The following KLHL29 variants were observed in gnomAD, a reference collection of about 807,000 sequenced individuals.
The protein encoded by KLHL29 is kelch like family member 29.
In KLHL29, 21 loss-of-function variants were observed where a neutral mutation model predicts 80.4. The observed-to-expected ratio is 0.26, with a 90% confidence interval of 0.19 to 0.38. KLHL29 has a LOEUF of 0.38. Among genes scored for constraint, KLHL29 ranks in the 10% least tolerant of loss-of-function variants. KLHL29 has a pLI of 1.00. For synonymous variants in KLHL29, 511 were observed against 526.8 expected, an observed-to-expected ratio of 0.97 and a Z score of 0.41; for missense variants, 867 against 1,223.9, an observed-to-expected ratio of 0.71 and a Z score of 4.35.
At chr2:23,459,514 G>A (rs1406820055) in intron 1 of KLHL29, among the ~76,000 whole-genome samples, 2 of 152,192 alleles carry the variant, frequency 1.3e-5, no homozygotes, top group Non-Finnish European at 2.9e-5. Flanking sequence ...AGGCAGGGGT[G>A]ATTCGGCAAA....
In KLHL29 at chr2:23,706,596, C is replaced by T. The variant is rs1672739809; in HGVS notation, c.2560C>T (p.Pro854Ser). The change falls in exon 14 of 14, where the codon CCC (proline) becomes TCC (serine). Residue 854 changes from proline to serine, a missense_variant. Around this residue, in one of 2 missense-constraint regions of KLHL29, gnomAD observed 443 missense variants for 767.0 expected, o/e 0.58. Coordinates refer to ENST00000486442, the MANE Select transcript of KLHL29 (RefSeq NM_052920.2). Reference sequence around the variant, plus strand: ...CACAACCAACACATGGACCCTCCTCCCCCACATGCCCTGCCCTGTGTTCAG... The same window carrying T: ...CACAACCAACACATGGACCCTCCTCTCCCACATGCCCTGCCCTGTGTTCAG... ...EPTTNTWTLL[P>S]HMPCPVFRHG... 1 of 1,537,042 alleles carries T rather than the reference C, an allele frequency of 6.5e-7. No individual in the cohort carries two copies.
intron 2 of KLHL29, among the ~76,000 whole-genome samples, chr2:23,511,638 A>G (rs933765926): frequency 2.6e-5 from 4 of 152,248 alleles, no homozygotes; most frequent in Non-Finnish European, 5.9e-5. Context: ...TGAGCAGTGT[A>G]TCCCTTTTGT....
chr2:23,409,825 G>A (rs886863118), intron 1 of KLHL29, among the ~76,000 whole-genome samples: 28 of 152,218 alleles, frequency 1.8e-4, no homozygotes, highest in Admixed American at 1.6e-3. Context: ...AAGGAAGATG[G>A]TCAGTGCCAT....
At chr2:23,472,632 TCAAAA>T (rs199591384) in intron 1 of KLHL29, among the ~76,000 whole-genome samples, 3,409 of 152,162 alleles carry the variant, frequency 0.022, 68 homozygotes, top group South Asian at 0.041. Flanking sequence ...AGACTCCATC[TCAAAA>T]CAAAACAAAA....
chr2:23,537,417 TACACACACACACACACACACACACACAC>T (rs5741924), intron 2 of KLHL29, among the ~76,000 whole-genome samples: 69,956 of 149,062 alleles, frequency 0.47, 18,605 homozygotes, highest in East Asian at 0.86. Context: ...GGGCAGAAAC[TACACACACACACACACACACACACACAC>T]ACACACACAC....
chr2:23,586,813 C>T (rs1337981637), intron 3 of KLHL29, among the ~76,000 whole-genome samples: 1 of 152,104 alleles, frequency 6.6e-6, no homozygotes, highest in African/African-American at 2.4e-5. Context: ...CCTTAGCACA[C>T]GCCGCATTGT....
At chr2:23,480,769 A>G (rs1558354011) in intron 2 of KLHL29, among the ~76,000 whole-genome samples, 1 of 152,274 alleles carries the variant, frequency 6.6e-6, no homozygotes, top group East Asian at 1.9e-4. Context: ...TACCTTGGCT[A>G]TGTTGTACTA....
chr2:23,441,777 G>A (rs919108905), intron 1 of KLHL29, among the ~76,000 whole-genome samples: 4 of 152,132 alleles, frequency 2.6e-5, no homozygotes, highest in South Asian at 4.2e-4. Context: ...ATGTGGTTAC[G>A]TTGGGCTTTT....
At chr2:23,537,124 GTC>G (rs1168025840) in intron 2 of KLHL29, among the ~76,000 whole-genome samples, 13 of 152,158 alleles carry the variant, frequency 8.5e-5, no homozygotes, top group African/African-American at 3.1e-4. Flanking sequence ...CTGACTTTCT[GTC>G]TCTGAATTTG....
intron 3 of KLHL29, among the ~76,000 whole-genome samples, chr2:23,606,815 G>C (rs2103527227): frequency 6.6e-6 from 1 of 152,304 alleles, no homozygotes; most frequent in East Asian, 1.9e-4. Flanking sequence ...CCCTTAGCTA[G>C]GGCTTATCTT....
chr2:23,514,295 A>G (rs1665860523), intron 2 of KLHL29, among the ~76,000 whole-genome samples: 1 of 152,178 alleles, frequency 6.6e-6, no homozygotes, highest in Admixed American at 6.5e-5. Flanking sequence ...TGGAACCCTC[A>G]GGGCTCCATT....
chr2:23,559,831 G>A (rs1667404661), intron 2 of KLHL29, among the ~76,000 whole-genome samples: 1 of 152,020 alleles, frequency 6.6e-6, no homozygotes, highest in South Asian at 2.1e-4. Flanking sequence ...AGAAGAGGAG[G>A]AGGAGATCTG....
At chr2:23,403,446 T>G (rs1223126075) in intron 1 of KLHL29, among the ~76,000 whole-genome samples, 4 of 152,198 alleles carry the variant, frequency 2.6e-5, no homozygotes, top group Non-Finnish European at 4.4e-5. Flanking sequence ...AGGATTCTCT[T>G]CCATGCTGGG....
intron 1 of KLHL29, among the ~76,000 whole-genome samples, chr2:23,464,686 C>T (rs1320861710): frequency 6.6e-6 from 1 of 152,192 alleles, no homozygotes; most frequent in Non-Finnish European, 1.5e-5. Context: ...CTCTCTGGAT[C>T]CTTCTTTCCT....
At chr2:23,705,037 G>C (rs1672629941) in intron 13 of KLHL29, among the ~76,000 whole-genome samples, 1 of 152,232 alleles carries the variant, frequency 6.6e-6, no homozygotes, top group Non-Finnish European at 1.5e-5. Flanking sequence ...CTAAGCTCCT[G>C]TTGGACTGAG....
intron 1 of KLHL29, among the ~76,000 whole-genome samples, chr2:23,467,505 T>C (rs1664384212): frequency 6.6e-6 from 1 of 152,232 alleles, no homozygotes; most frequent in Non-Finnish European, 1.5e-5. Context: ...CTCTAAAGCC[T>C]TTCTTTCACA....
chr2:23,576,544 TAAA>T (rs1667848516), intron 3 of KLHL29, among the ~76,000 whole-genome samples: 2 of 152,158 alleles, frequency 1.3e-5, no homozygotes, highest in African/African-American at 4.8e-5. Flanking sequence ...GGGTTCCTTG[TAAA>T]TAATTGAGGA....
intron 3 of KLHL29, among the ~76,000 whole-genome samples, chr2:23,623,915 C>G (rs1205995165): frequency 6.6e-6 from 1 of 152,176 alleles, no homozygotes; most frequent in African/African-American, 2.4e-5. Flanking sequence ...GGAGGGTCCC[C>G]CATTTCTGCA....
At chr2:23,455,994 C>T (rs980474286) in intron 1 of KLHL29, among the ~76,000 whole-genome samples, 4 of 152,084 alleles carry the variant, frequency 2.6e-5, no homozygotes, top group African/African-American at 4.8e-5. Flanking sequence ...GTGAGGACTT[C>T]GTGAGAAAGC....
Sources: allele counts gnomAD v4.1 joint callset (sites outside exome capture counted in the v4.1 genomes callset), GRCh38; gene constraint gnomAD v4.1.1; regional missense constraint gnomAD v4.1.1; transcripts MANE v1.5; gene names NCBI Gene and HGNC (gene_info 2026-07-23, HGNC 2026-07-21).